GGT1: variants seen among roughly 807,000 people sequenced by gnomAD.
GGT1 encodes gamma-glutamyltransferase 1.
A neutral mutation model predicts 56.0 loss-of-function variants in GGT1; 21 were observed. The observed-to-expected ratio is 0.38, with a 90% CI of 0.27 to 0.54. The LOEUF (loss-of-function observed/expected upper bound fraction) is 0.54, where lower values mean the gene tolerates loss of function less well. GGT1 is among the 20% of genes least tolerant of loss of function. GGT1 has a pLI of 0.82. For missense variants in GGT1, 466 were observed against 787.0 expected, an observed-to-expected ratio of 0.59 and a Z score of 4.88; for synonymous variants, 238 against 342.6, an observed-to-expected ratio of 0.69 and a Z score of 3.37.
At chr22:24,606,052 T>A (rs868549304) in intron 1 of GGT1, among the ~76,000 whole-genome samples, 1 of 55,416 alleles carries the variant, frequency 1.8e-5, no homozygotes, top group Non-Finnish European at 3.5e-5. Context: ...ATATCATATA[T>A]TATATTTATA....
chr22:24,599,554 A>T (rs575218672), upstream of GGT1, among the ~76,000 whole-genome samples: 6 of 151,892 alleles, frequency 4.0e-5, no homozygotes, highest in East Asian at 1.2e-3. Context: ...GGGTTGGCCT[A>T]TGGGGACTGG....
chr22:24,601,581 T>C (rs114105780), upstream of GGT1, among the ~76,000 whole-genome samples: 1,618 of 152,332 alleles, frequency 0.011, 26 homozygotes, highest in African/African-American at 0.037. Flanking sequence ...TCCCAGCCCG[T>C]TGAAACAGAC....
At position 24,611,543 on chromosome 22, in the gene GGT1, CATCTATCTATCTATCTATCT is replaced by C. The variant is rs60405110; in HGVS notation, c.164+336_164+355del. ...TCTATCTATCTATCTATCTATCTATCATCTATCTATCTATCTATCTATCTATCTATCTATCTATCTATCTA... is the reference window on the plus strand; with the variant it reads ...TCTATCTATCTATCTATCTATCTATCATCTATCTATCTATCTATCTATCTA... On this transcript the variant is annotated intron_variant, in intron 5 of 15. Transcript: ENST00000400382. Among the ~76,000 whole-genome samples, 862 of 119,502 alleles carry C rather than the reference CATCTATCTATCTATCTATCT, an allele frequency of 7.2e-3. 12 individuals are homozygous for C. The highest frequency in any genetic ancestry group is 0.023 in the East Asian group (95 of 4,116). 78.4% of individuals were successfully genotyped at this position (119,502 alleles called of 152,430 possible). A position where few individuals can be genotyped will look rare whatever the true frequency, so the allele number is the denominator to read the frequency against.
Position 24,628,091 on chromosome 22 carries a change from G to T in GGT1, c.1347G>T (p.Pro449=). The T allele has an allele frequency of 1.2e-6, 2 of 1,611,884 alleles. No individual in the cohort carries two copies. Among genetic ancestry groups the T allele is most frequent in the Non-Finnish European group, 1.7e-6 (2 of 1,179,832 alleles). The change falls in exon 14 of 16, where the codon CCG becomes CCT. Residue 449 remains proline (P), a synonymous_variant. Coordinates refer to ENST00000400382, the MANE Select transcript of GGT1 (RefSeq NM_001288833.2). This position sits in a 1 kb window ranked among gnomAD's most constrained non-coding sequence, Gnocchi z 5.7. ...TCCCATCGGCCGCAGGGAAGCAGCC[G>T]CTCTCGTCCATGTGCCCGACGATCA... ...PANFIQPGKQ[P]LSSMCPTIMV... is the part of the protein sequence containing the mutation.
the GGT1 span, chr22:24,588,600 C>T: frequency 1.3e-4 from 126 of 978,504 alleles, no homozygotes; most frequent in African/African-American, 2.0e-3. Context: ...GCCCTTGTTC[C>T]CTGTCCTCGG....
upstream of GGT1, among the ~76,000 whole-genome samples, chr22:24,594,600 C>G (rs544492393): frequency 6.6e-6 from 1 of 152,188 alleles, no homozygotes; most frequent in East Asian, 1.9e-4. Context: ...ATCCACGGAC[C>G]CCCAACCCCT....
upstream of GGT1, chr22:24,592,978 G>A: frequency 8.6e-7 from 1 of 1,167,242 alleles, no homozygotes. Flanking sequence ...CCCGCAGCCG[G>A]CCGCCGCCCC....
upstream of GGT1, among the ~76,000 whole-genome samples, chr22:24,600,779 GC>G (rs1233482932): frequency 6.6e-6 from 1 of 152,192 alleles, no homozygotes; most frequent in African/African-American, 2.4e-5. Context: ...ATCTGGAGTG[GC>G]CCCTGCTTCT....
chr22:24,588,098 T>C, the GGT1 span: 1 of 793,100 alleles, frequency 1.3e-6, no homozygotes, highest in Non-Finnish European at 2.1e-6. Flanking sequence ...GCGGACCAGG[T>C]GAGGGCCTCA....
At chr22:24,592,339 G>C (rs1200249386), upstream of GGT1, 3 of 470,650 alleles carry the variant, frequency 6.4e-6, no homozygotes, top group Non-Finnish European at 1.3e-5. Flanking sequence ...ATGGCTCTCT[G>C]TGGGCTGCCA....
chr22:24,590,324 G>A (rs554870003), upstream of GGT1, among the ~76,000 whole-genome samples: 7 of 152,282 alleles, frequency 4.6e-5, no homozygotes, highest in African/African-American at 1.7e-4. Flanking sequence ...TAGAAATGGG[G>A]TCTCACTATG....
At position 24,611,069 on chromosome 22, in the gene GGT1, G is replaced by T. The variant is rs750177523; in HGVS notation, c.-7-6G>T. On this transcript the variant is annotated splice_polypyrimidine_tract_variant and splice_region_variant and intron_variant, in intron 4 of 15. Coordinates refer to ENST00000400382, the MANE Select transcript of GGT1 (RefSeq NM_001288833.2). ...CCTGACCCTGCTTCTTACCCCGTGG[G>T]TGCAGCAGAGCCATGAAGAAGAAGT... 4.4e-6 allele frequency: 7 copies of T among 1,597,770 alleles called. No homozygotes were observed. Among genetic ancestry groups the T allele is most frequent in the Non-Finnish European group, 6.0e-6 (7 of 1,172,552 alleles).
At chr22:24,612,688 G>A (rs186495619) in intron 5 of GGT1, among the ~76,000 whole-genome samples, 2 of 151,998 alleles carry the variant, frequency 1.3e-5, no homozygotes, top group African/African-American at 2.4e-5. Context: ...CACCACGCCC[G>A]GCTAATTTTT....
chr22:24,588,380 T>C, the GGT1 span: 2 of 1,423,200 alleles, frequency 1.4e-6, no homozygotes, highest in South Asian at 2.4e-5. Context: ...CCTGCCCACC[T>C]CAGGGCCTTG....
At chr22:24,627,696 G>T (rs1026631954) in intron 12 of GGT1, 77 bp downstream of exon 12, 1 of 1,561,138 alleles carries the variant, frequency 6.4e-7, no homozygotes, top group Non-Finnish European at 8.7e-7. Flanking sequence ...ATCCAGTAAG[G>T]TGGCTCCGTC....
intron 7 of GGT1, among the ~76,000 whole-genome samples, chr22:24,618,781 G>A (rs1026080096): frequency 1.3e-5 from 2 of 152,164 alleles, no homozygotes; most frequent in Non-Finnish European, 2.9e-5. Context: ...AGCCACAGCT[G>A]CCAAGCCAAG....
chr22:24,588,782 T>C, the GGT1 span: 2 of 1,023,084 alleles, frequency 2.0e-6, no homozygotes, highest in African/African-American at 1.7e-5. Context: ...CTTCTTCCTC[T>C]CACTCTCCAA....
chr22:24,597,138 A>G (rs576680814), intron 1 of GGT1, among the ~76,000 whole-genome samples: 32 of 151,376 alleles, frequency 2.1e-4, no homozygotes, highest in African/African-American at 7.6e-4. Flanking sequence ...GCCCGCCACC[A>G]CGCCCAGCTA....
chr22:24,626,892 A>G (rs77896740), intron 11 of GGT1, among the ~76,000 whole-genome samples: 30,398 of 141,384 alleles, frequency 0.22, 3,808 homozygotes, highest in African/African-American at 0.34. Flanking sequence ...TCTGCCTATC[A>G]CTCACCAGCC....
Sources: gnomAD v4.1 joint callset for allele counts (sites outside exome capture counted in the v4.1 genomes callset) on GRCh38, gnomAD v4.1.1 for gene constraint, Gnocchi (gnomAD v3.1) non-coding constraint, MANE v1.5 for transcripts, NCBI Gene and HGNC (gene_info 2026-07-23, HGNC 2026-07-21) for gene names.